Variants in RMDN2 observed in about 807,000 individuals in gnomAD.
RMDN2 encodes the protein regulator of microtubule dynamics protein 2.
In RMDN2, 61 loss-of-function variants were observed where a neutral mutation model predicts 52.8. The ratio of observed to expected loss-of-function variants is 1.16; its 90% confidence interval spans 0.94 to 1.43. The LOEUF is 1.43. RMDN2 is among the 40% of genes most tolerant of loss of function. The probability of loss-of-function intolerance (pLI) is 0.00; values close to 1 mark genes in which losing one functional copy is unlikely to be tolerated. For missense variants in RMDN2, 592 were observed against 475.3 expected, an observed-to-expected ratio of 1.25 and a Z score of -2.28; for synonymous variants, 180 against 153.1, an observed-to-expected ratio of 1.18 and a Z score of -1.30.
At chr2:38,018,442 A>G (rs146953818), downstream of RMDN2, among the ~76,000 whole-genome samples, 1,056 of 152,358 alleles carry the variant, frequency 6.9e-3, 7 homozygotes, top group African/African-American at 0.024. Flanking sequence ...AAGTGCAGTG[A>G]CTGATTCACA....
intron 10 of RMDN2, among the ~76,000 whole-genome samples, chr2:38,066,302 C>CA (rs1304611688): frequency 1.3e-5 from 2 of 152,190 alleles, no homozygotes; most frequent in Admixed American, 6.5e-5. Flanking sequence ...GTCCTCAAAG[C>CA]CTGTATGTCG....
downstream of RMDN2, among the ~76,000 whole-genome samples, chr2:38,021,215 C>T (rs1679345325): frequency 6.6e-6 from 1 of 152,124 alleles, no homozygotes; most frequent in African/African-American, 2.4e-5. Flanking sequence ...TTGTGTCTAG[C>T]TCAGGGATTG....
intron 2 of RMDN2, among the ~76,000 whole-genome samples, chr2:37,962,300 CTT>C (rs1670346438): frequency 6.6e-6 from 1 of 152,254 alleles, no homozygotes; most frequent in African/African-American, 2.4e-5. Context: ...ACAGCCACCC[CTT>C]CCCCCAGGTG....
chr2:37,927,809 A>G (rs936980860), intron 1 of RMDN2, among the ~76,000 whole-genome samples: 20 of 152,168 alleles, frequency 1.3e-4, no homozygotes, highest in African/African-American at 4.6e-4. Context: ...TTGTGATACA[A>G]TTTTTTTGTA....
At chr2:37,955,718 CT>C (rs1669366114) in intron 2 of RMDN2, among the ~76,000 whole-genome samples, 2 of 152,088 alleles carry the variant, frequency 1.3e-5, no homozygotes, top group African/African-American at 4.8e-5. Flanking sequence ...TAAGAAGTGT[CT>C]TTCACCTCCT....
At chr2:37,930,163 G>A (rs1031023225) in intron 2 of RMDN2, among the ~76,000 whole-genome samples, 2 of 152,190 alleles carry the variant, frequency 1.3e-5, no homozygotes, top group Non-Finnish European at 2.9e-5. Context: ...CATGAAATGT[G>A]GCTAATGCAA....
chr2:37,929,691 A>C lies in RMDN2; in HGVS notation c.414A>C (p.Ala138=). 1.3e-6 allele frequency: 2 copies of C among 1,528,698 alleles called. No homozygotes were observed. Among genetic ancestry groups the C allele is most frequent in the Non-Finnish European group, 1.8e-6 (2 of 1,141,288 alleles). 94.7% of individuals were successfully genotyped at this position (1,528,698 alleles called of 1,614,324 possible). A position where few individuals can be genotyped will look rare whatever the true frequency, so the allele number is the denominator to read the frequency against. The change falls in exon 2 of 11, where the codon GCA becomes GCC. Residue 138 remains alanine, a synonymous_variant. Transcript: ENST00000354545. ...GACTCCCCACAATTCAAAGTTCAGCAACAAGTAATAGTTCAGAGGAAGCAG... is the reference window on the plus strand; with the variant it reads ...GACTCCCCACAATTCAAAGTTCAGCCACAAGTAATAGTTCAGAGGAAGCAG... The part of the protein sequence containing the change: ...KRRLPTIQSS[A]TSNSSEEAES...
intron 10 of RMDN2, among the ~76,000 whole-genome samples, chr2:38,033,678 T>C (rs1413649858): frequency 6.6e-6 from 1 of 152,240 alleles, no homozygotes; most frequent in East Asian, 1.9e-4. Flanking sequence ...ATAAATACTT[T>C]TAAAGTTGAA....
At chr2:38,043,150 C>T (rs1037837092) in intron 10 of RMDN2, among the ~76,000 whole-genome samples, 7 of 152,126 alleles carry the variant, frequency 4.6e-5, no homozygotes, top group Admixed American at 1.3e-4. Flanking sequence ...TAACTGTTTT[C>T]GCCTCACATA....
At chr2:38,040,927 T>C (rs1312472036) in intron 10 of RMDN2, among the ~76,000 whole-genome samples, 1 of 152,248 alleles carries the variant, frequency 6.6e-6, no homozygotes, top group Non-Finnish European at 1.5e-5. Context: ...ATATAGATTG[T>C]GTACATATTT....
intron 10 of RMDN2, among the ~76,000 whole-genome samples, chr2:38,037,441 A>G (rs1247935189): frequency 6.6e-6 from 1 of 152,218 alleles, no homozygotes; most frequent in Non-Finnish European, 1.5e-5. Flanking sequence ...CTTGTTTAAT[A>G]AACATCTGCA....
chr2:37,981,229 C>T lies in RMDN2; in HGVS notation c.731-54C>T, dbSNP rs77166427. The T allele has an allele frequency of 3.7e-3, 3,976 of 1,060,772 alleles. 99 individuals are homozygous for T. The African/African-American group carries it at 0.055, about 15-fold the overall frequency. The allele number at this position is 1,060,772 out of a possible 1,614,324, so 65.7% of individuals were successfully genotyped here. On this transcript the variant is annotated intron_variant, in intron 4 of 10. Transcript: ENST00000354545. ...TGAACCATGAGTTAATTCAATAATC[C>T]ACCTCCTACCAACTCACATGAAGGT...
intron 2 of RMDN2, among the ~76,000 whole-genome samples, chr2:37,944,735 T>C (rs1463914258): frequency 6.6e-6 from 1 of 152,180 alleles, no homozygotes; most frequent in Non-Finnish European, 1.5e-5. Flanking sequence ...TAGACACTTA[T>C]TTCAAGGAAC....
intron 10 of RMDN2, among the ~76,000 whole-genome samples, chr2:38,064,901 G>A (rs1379821248): frequency 1.3e-5 from 2 of 152,176 alleles, no homozygotes; most frequent in Non-Finnish European, 2.9e-5. Flanking sequence ...ACAGCTGATG[G>A]GAGTGTGGAC....
chr2:38,057,385 A>G (rs1681889263), intron 10 of RMDN2, among the ~76,000 whole-genome samples: 1 of 152,212 alleles, frequency 6.6e-6, no homozygotes, highest in Admixed American at 6.5e-5. Context: ...TAAAATGTTC[A>G]TGTGTCATAA....
intron 5 of RMDN2, among the ~76,000 whole-genome samples, chr2:37,988,682 G>A (rs1674364033): frequency 6.6e-6 from 1 of 152,104 alleles, no homozygotes; most frequent in East Asian, 1.9e-4. Flanking sequence ...GACAATGCAA[G>A]TAAAAATTAA....
intron 2 of RMDN2, among the ~76,000 whole-genome samples, chr2:37,940,125 T>A (rs1226290610): frequency 6.6e-6 from 1 of 152,238 alleles, no homozygotes; most frequent in African/African-American, 2.4e-5. Flanking sequence ...GGGTTTTATT[T>A]CTTCTTCACT....
At chr2:38,064,382 C>CG (rs995408914) in intron 10 of RMDN2, among the ~76,000 whole-genome samples, 15 of 151,646 alleles carry the variant, frequency 9.9e-5, no homozygotes, top group Admixed American at 3.3e-4. Context: ...CCCAGCTACT[C>CG]GGGGGGCTGA....
chr2:37,959,738 T>A (rs1669955910), intron 2 of RMDN2, among the ~76,000 whole-genome samples: 2 of 150,976 alleles, frequency 1.3e-5, no homozygotes, highest in Admixed American at 1.3e-4. Context: ...TTAATTGTGA[T>A]GTTAGGGTGT....
Sources: allele counts gnomAD v4.1 joint callset (sites outside exome capture counted in the v4.1 genomes callset), GRCh38; gene constraint gnomAD v4.1.1; transcripts MANE v1.5; gene names NCBI Gene and HGNC (gene_info 2026-07-23, HGNC 2026-07-21).